The following SETD7 variants were observed in gnomAD, a reference collection of about 807,000 sequenced individuals.
SETD7 encodes the protein histone-lysine N-methyltransferase SETD7.
A neutral mutation model predicts 41.8 loss-of-function variants in SETD7; 16 were observed. The ratio of observed to expected loss-of-function variants is 0.38; its 90% CI spans 0.26 to 0.58. SETD7 has a LOEUF of 0.58. Among genes scored for constraint, SETD7 ranks in the 20% least tolerant of loss-of-function variants. The pLI is 0.64. For synonymous variants in SETD7, 163 were observed against 169.7 expected (o/e 0.96, Z 0.31); for missense variants, 346 against 459.7 (o/e 0.75, Z 2.26).
At position 139,528,612 on chromosome 4, in the gene SETD7, A is replaced by C. The variant is rs1256561908; in HGVS notation, c.562+419T>G. Among the ~76,000 whole-genome samples, 5 of 152,336 alleles carry C rather than the reference A, an allele frequency of 3.3e-5. No individual in the cohort carries two copies. The East Asian group carries it at 7.7e-4, about 23-fold the overall frequency. On this transcript the variant is annotated intron_variant, in intron 4 of 7. Coordinates refer to ENST00000274031, the MANE Select transcript of SETD7 (RefSeq NM_030648.4). ...TTGCTTTGACCAGTGAAAAGTGAGT[A>C]AAGTGCCACCATGTCAGTTCCAAGG...
At chr4:139,523,529 A>C in intron 4 of SETD7, 94 bp from the exon 5 acceptor site, 1 of 836,832 alleles carries the variant, frequency 1.2e-6, no homozygotes, top group Non-Finnish European at 1.9e-6. Flanking sequence ...AAGAGTTAAA[A>C]AACCAAAAAT....
At chr4:139,519,419 A>G (rs1340732104) in intron 6 of SETD7, among the ~76,000 whole-genome samples, 1 of 152,238 alleles carries the variant, frequency 6.6e-6, no homozygotes, top group African/African-American at 2.4e-5. Context: ...TCATATATCA[A>G]TATCCCAAAG....
At chr4:139,556,048 G>C in intron 1 of SETD7, 50 bp downstream of exon 1, 2 of 1,530,854 alleles carry the variant, frequency 1.3e-6, no homozygotes, top group African/African-American at 1.4e-5. Flanking sequence ...CTCCTTCCGC[G>C]CTCCAGGCCC....
intron 2 of SETD7, among the ~76,000 whole-genome samples, chr4:139,544,353 C>A (rs1388526045): frequency 1.4e-5 from 2 of 144,068 alleles, no homozygotes; most frequent in African/African-American, 5.1e-5. Context: ...TGAATTCGTG[C>A]CTCAAAAGGA....
rs117041969 is a variant in SETD7, at chr4:139,525,428, C to T, written c.563-1993G>A. ...CATCCTTTACTTTCCCTCCTTTCCT[C>T]TATAGTATGCTATGCCCTTTGACTA... On this transcript the variant is annotated intron_variant, in intron 4 of 7. Coordinates refer to ENST00000274031, the MANE Select transcript of SETD7 (RefSeq NM_030648.4). Among the ~76,000 whole-genome samples, 22 of 152,308 alleles carry T rather than the reference C, an allele frequency of 1.4e-4. No individual in the cohort carries two copies. In the East Asian group the frequency reaches 3.7e-3, roughly 25 times the overall value.
chr4:139,501,724 C>T (rs17346134), downstream of SETD7, among the ~76,000 whole-genome samples: 16,291 of 152,234 alleles, frequency 0.11, 1,026 homozygotes, highest in South Asian at 0.19. Context: ...TAGTGATCCC[C>T]GCAAAGCCTG....
At position 139,506,226 on chromosome 4, in the gene SETD7, G is replaced by A. The variant is rs1321332911; in HGVS notation, c.*5437C>T. On this transcript the variant is annotated 3_prime_UTR_variant, in exon 8 of 8. Transcript: ENST00000274031. ...CACAGTAAGGGCAAACATTATTCAT[G>A]TAAACATCTTTCATTAATTTCCCAT... The A allele has an allele frequency of 3.3e-5, 5 of 152,562 alleles. No homozygotes were observed. Among genetic ancestry groups the A allele is most frequent in the African/African-American group, 4.8e-5 (2 of 41,418 alleles). The allele number at this position is 152,562 out of a possible 1,614,324, so 9.5% of individuals were successfully genotyped here.
intron 2 of SETD7, among the ~76,000 whole-genome samples, chr4:139,542,371 T>G (rs1016944873): frequency 1.3e-5 from 2 of 152,184 alleles, no homozygotes; most frequent in African/African-American, 2.4e-5. Flanking sequence ...TATTGTATAC[T>G]TCAAAATAGC....
chr4:139,494,419 T>G (rs1217287329), downstream of SETD7, among the ~76,000 whole-genome samples: 1 of 152,190 alleles, frequency 6.6e-6, no homozygotes, highest in African/African-American at 2.4e-5. Context: ...TTATTATGAC[T>G]AAACAGGCGC....
At chr4:139,537,561 A>T (rs1727672830) in intron 2 of SETD7, among the ~76,000 whole-genome samples, 2 of 152,206 alleles carry the variant, frequency 1.3e-5, no homozygotes, top group Admixed American at 6.5e-5. Context: ...CTATTACAGA[A>T]CACTCCATGT....
intron 2 of SETD7, among the ~76,000 whole-genome samples, chr4:139,542,368 T>C (rs1227122875): frequency 2.0e-5 from 3 of 152,180 alleles, no homozygotes; most frequent in Non-Finnish European, 4.4e-5. Flanking sequence ...ATATATTGTA[T>C]ACTTCAAAAT....
At chr4:139,547,139 C>T in intron 1 of SETD7, 90 bp from the exon 2 acceptor site, 1 of 1,502,004 alleles carries the variant, frequency 6.7e-7, no homozygotes, top group South Asian at 1.3e-5. Context: ...CAGACAAGTC[C>T]CCCACCCAAC....
chr4:139,540,856 T>A (rs1412766260), intron 2 of SETD7, among the ~76,000 whole-genome samples: 1 of 152,172 alleles, frequency 6.6e-6, no homozygotes, highest in Non-Finnish European at 1.5e-5. Flanking sequence ...ACTTCAGAAA[T>A]CCGATCCAAC....
intron 7 of SETD7, among the ~76,000 whole-genome samples, chr4:139,500,181 G>T (rs1170455632): frequency 6.6e-6 from 1 of 152,074 alleles, no homozygotes; most frequent in Admixed American, 6.5e-5. Flanking sequence ...CACCATTCCT[G>T]AATAATCAGT....
At chr4:139,533,474 A>G (rs1178076803) in intron 2 of SETD7, 108 bp from the exon 3 acceptor site, 5 of 934,396 alleles carry the variant, frequency 5.4e-6, no homozygotes, top group African/African-American at 1.6e-5. Flanking sequence ...CAGCCCTGAC[A>G]TGGATTCAGC....
At chr4:139,540,133 T>G (rs1033906902) in intron 2 of SETD7, among the ~76,000 whole-genome samples, 9 of 152,204 alleles carry the variant, frequency 5.9e-5, no homozygotes, top group Non-Finnish European at 1.2e-4. Flanking sequence ...TAAGGGTCTT[T>G]ACAGGTTTTC....
chr4:139,538,217 G>C (rs1175831634), intron 2 of SETD7, among the ~76,000 whole-genome samples: 1 of 152,116 alleles, frequency 6.6e-6, no homozygotes, highest in East Asian at 1.9e-4. Context: ...CTAAAAAAAA[G>C]CAATATGTGT....
rs972428872 is a variant in SETD7, at chr4:139,506,440, A to G, written c.*5223T>C. 2.6e-5 allele frequency: 4 copies of G among 152,656 alleles called. No homozygotes were observed. The highest frequency in any genetic ancestry group is 9.6e-5 in the African/African-American group (4 of 41,470). The allele number at this position is 152,656 out of a possible 1,614,324, so 9.5% of individuals were successfully genotyped here. A position where few individuals can be genotyped will look rare whatever the true frequency, so the allele number is the denominator to read the frequency against. ...CAACCTAATAAATGTATTTCAGGAT[A>G]AAGAGAGAACATAGAACACCCAGGA... On this transcript the variant is annotated 3_prime_UTR_variant, in exon 8 of 8. Transcript: ENST00000274031.
Position 139,509,626 on chromosome 4 carries a change from G to A in SETD7, c.*2037C>T, listed in dbSNP as rs1366584289. On this transcript the variant is annotated 3_prime_UTR_variant, in exon 8 of 8. Transcript: ENST00000274031. ...ACCTGGCTGCACAACCCACTTGATC[G>A]AGGTTAATGCAAGCCATCTTTCTCC... The A allele has an allele frequency of 1.7e-5, 15 of 875,874 alleles. No homozygotes were observed. Among genetic ancestry groups the A allele is most frequent in the Non-Finnish European group, 1.9e-5 (14 of 730,312 alleles). The allele number at this position is 875,874 out of a possible 1,614,324, so 54.3% of individuals were successfully genotyped here.
Sources: gnomAD v4.1 joint callset for allele counts (sites outside exome capture counted in the v4.1 genomes callset) on GRCh38, gnomAD v4.1.1 for gene constraint, MANE v1.5 for transcripts, NCBI Gene and HGNC (gene_info 2026-07-23, HGNC 2026-07-21) for gene names.